BSCL2: variants seen among roughly 807,000 people sequenced by gnomAD.
The protein encoded by BSCL2 is seipin.
BSCL2 carries 41 observed loss-of-function variants against 57.4 expected under a neutral mutation model. The observed-to-expected ratio is 0.71, with a 90% CI of 0.56 to 0.93. The LOEUF (loss-of-function observed/expected upper bound fraction) is 0.93, where lower values mean the gene tolerates loss of function less well. Ranked by LOEUF, BSCL2 falls within the 40% of genes least tolerant of loss-of-function variation. The pLI is 0.00. For missense variants in BSCL2, 539 were observed against 586.7 expected (o/e 0.92, Z 0.84); for synonymous variants, 237 against 227.3 (o/e 1.04, Z -0.38).
At chr11:62,699,969 A>G (rs1945591366) in intron 3 of BSCL2, among the ~76,000 whole-genome samples, 1 of 151,322 alleles carries the variant, frequency 6.6e-6, no homozygotes, top group Non-Finnish European at 1.5e-5. Flanking sequence ...GGCGTGAGCC[A>G]CCACACCCGG....
At chr11:62,700,909 C>T (rs1280367848) in intron 3 of BSCL2, among the ~76,000 whole-genome samples, 4 of 151,416 alleles carry the variant, frequency 2.6e-5, no homozygotes, top group Non-Finnish European at 2.9e-5. Context: ...AGTGAGATCG[C>T]GCCACTGCAC....
intron 2 of BSCL2, among the ~76,000 whole-genome samples, chr11:62,704,195 C>T (rs543399837): frequency 6.6e-6 from 1 of 151,290 alleles, no homozygotes; most frequent in Non-Finnish European, 1.5e-5. Context: ...GTCTGTAATC[C>T]CAGCACTTTG....
At chr11:62,697,972 A>G (rs1945524671) in intron 3 of BSCL2, among the ~76,000 whole-genome samples, 1 of 149,800 alleles carries the variant, frequency 6.7e-6, no homozygotes, top group African/African-American at 2.5e-5. Context: ...CAGTGGCGCA[A>G]TCTCGGCTCA....
chr11:62,696,893 C>A (rs571230322), intron 3 of BSCL2, among the ~76,000 whole-genome samples: 1 of 151,892 alleles, frequency 6.6e-6, no homozygotes, highest in Non-Finnish European at 1.5e-5. Context: ...GTTCTCTTAG[C>A]CAGGTGTGGT....
chr11:62,696,939 G>A (rs770547171), intron 3 of BSCL2, among the ~76,000 whole-genome samples: 78 of 151,898 alleles, frequency 5.1e-4, no homozygotes, highest in Non-Finnish European at 1.0e-3. Flanking sequence ...TGAGGAGACT[G>A]AGGCAGGAGG....
chr11:62,702,109 C>A (rs1284025587), intron 3 of BSCL2, among the ~76,000 whole-genome samples: 1 of 151,690 alleles, frequency 6.6e-6, no homozygotes, highest in African/African-American at 2.4e-5. Context: ...TCTTGTTGCC[C>A]AGGCTGGAGT....
At chr11:62,708,455 C>T, upstream of BSCL2, 1 of 1,339,682 alleles carries the variant, frequency 7.5e-7, no homozygotes, top group Non-Finnish European at 1.1e-6. Context: ...TGCAGGTTCC[C>T]AAAGCTCAAG....
chr11:62,694,666 G>C lies in BSCL2; in HGVS notation c.532C>G (p.Leu178Val), dbSNP rs760613992. 45 of 1,614,058 alleles carry C rather than the reference G, an allele frequency of 2.8e-5. No homozygotes were observed. In the Admixed American group the frequency reaches 7.5e-4, roughly 27 times the overall value. The change falls in exon 4 of 11, where the codon CTG becomes GTG. Residue 178 changes from leucine (L) to valine (V), a missense_variant. By Grantham distance (32) the Leu-to-Val change is conservative. Transcript: ENST00000360796. ...QPYRVTLELE[L>V]PESPVNQDLG... ...TCTTGATTCACAGGGGACTCTGGCAGCTCAAGCTCTAAGGTAACACGATAC... is the reference window on the plus strand; with the variant it reads ...TCTTGATTCACAGGGGACTCTGGCACCTCAAGCTCTAAGGTAACACGATAC...
rs1211160396 is a variant in BSCL2, at chr11:62,706,389, C to T, written c.87+720G>A. Reference sequence around the variant, plus strand: ...CAGCCCAGGGCGGGGTCCAGCACGGCGGGGCGGGGCGGGACGGGGCGGAGC... The same window carrying T: ...CAGCCCAGGGCGGGGTCCAGCACGGTGGGGCGGGGCGGGACGGGGCGGAGC... On this transcript the variant is annotated intron_variant, in intron 1 of 10. Coordinates refer to ENST00000360796, the MANE Select transcript of BSCL2 (RefSeq NM_001122955.4). 4 of 836,616 alleles carry T rather than the reference C, an allele frequency of 4.8e-6. No individual in the cohort carries two copies. In the South Asian group the frequency reaches 5.3e-5, roughly 11 times the overall value. The allele number at this position is 836,616 out of a possible 1,614,324, so 51.8% of individuals were successfully genotyped here.
chr11:62,707,033 C>T, intron 1 of BSCL2, 76 bp downstream of exon 1: 1 of 1,280,220 alleles, frequency 7.8e-7, no homozygotes, highest in Non-Finnish European at 1.1e-6. Flanking sequence ...AAAACCAATC[C>T]ATCCCCCCGC....
intron 3 of BSCL2, among the ~76,000 whole-genome samples, chr11:62,698,641 T>C (rs1445997720): frequency 6.6e-6 from 1 of 152,232 alleles, no homozygotes; most frequent in Non-Finnish European, 1.5e-5. Flanking sequence ...GATTATTTCA[T>C]TCATTAATTC....
chr11:62,702,130 G>A (rs1375581284), intron 3 of BSCL2, among the ~76,000 whole-genome samples: 1 of 150,940 alleles, frequency 6.6e-6, no homozygotes, highest in Non-Finnish European at 1.5e-5. Flanking sequence ...GCAATGGCGT[G>A]ATCTCGGCTC....
rs1945285905 is a variant in BSCL2, at chr11:62,690,711, T to A, written c.1154-19A>T. The stretch of plus-strand genomic sequence containing the variant: ...TGACCCTCTGCAGCCAAAAGGGGAA[T>A]GCAGGGGTCAGACCCAGACACTGAA... On this transcript the variant is annotated intron_variant, in intron 9 of 10. Coordinates refer to ENST00000360796, the MANE Select transcript of BSCL2 (RefSeq NM_001122955.4). The A allele has an allele frequency of 1.9e-6, 3 of 1,613,798 alleles. No individual in the cohort carries two copies. The Admixed American group carries it at 5.0e-5, about 27-fold the overall frequency.
At chr11:62,695,257 T>C (rs1416044791) in intron 3 of BSCL2, among the ~76,000 whole-genome samples, 1 of 152,180 alleles carries the variant, frequency 6.6e-6, no homozygotes, top group Non-Finnish European at 1.5e-5. Flanking sequence ...GGTTAAAGAT[T>C]TGCCACCAAA....
At chr11:62,708,659 C>T (rs374221255), upstream of BSCL2, 7 of 1,613,294 alleles carry the variant, frequency 4.3e-6, no homozygotes, top group Middle Eastern at 6.6e-4. Context: ...TAACAATACC[C>T]TTCCTGGCTG....
At chr11:62,702,588 C>T (rs773733821) in intron 2 of BSCL2, 39 bp from the exon 3 acceptor site, 2 of 1,560,850 alleles carry the variant, frequency 1.3e-6, no homozygotes, top group African/African-American at 1.4e-5. Flanking sequence ...CTAAGTTAGT[C>T]TTACTAGTCC....
chr11:62,709,284 A>G (rs868073930), upstream of BSCL2: 5 of 454,086 alleles, frequency 1.1e-5, no homozygotes, highest in African/African-American at 2.0e-5. Flanking sequence ...GGGCCAATCA[A>G]TGCAGGCTAG....
chr11:62,696,646 C>T (rs1945474691), intron 3 of BSCL2, among the ~76,000 whole-genome samples: 1 of 152,054 alleles, frequency 6.6e-6, no homozygotes, highest in African/African-American at 2.4e-5. Flanking sequence ...CAGCCTCAAC[C>T]TCCTGGGCTC....
chr11:62,691,119 T>C lies in BSCL2; in HGVS notation c.1028A>G (p.Asn343Ser), dbSNP rs1440384464. ...CCTTCGTTGGACTTCCTTCCGGGAA[T>C]TGTCTCTTTTTCGGATGTTAACCTG... The part of the protein sequence containing the change: ...SLQVNIRKRD[N>S]SRKEVQRRIS... Residue 343 changes from asparagine to serine, a missense_variant, in exon 8 of 11, where the codon AAT becomes AGT. Physicochemically the swap from Asn to Ser is conservative, Grantham distance 46. Transcript: ENST00000360796. The C allele has an allele frequency of 1.2e-6, 2 of 1,614,196 alleles. No homozygotes were observed. The highest frequency in any genetic ancestry group is 1.1e-5 in the South Asian group (1 of 91,086).
Sources: allele counts gnomAD v4.1 joint callset (sites outside exome capture counted in the v4.1 genomes callset), GRCh38; gene constraint gnomAD v4.1.1; transcripts MANE v1.5; gene names NCBI Gene and HGNC (gene_info 2026-07-23, HGNC 2026-07-21).